Variants in PTPRD observed in about 807,000 individuals in gnomAD.
PTPRD encodes protein tyrosine phosphatase receptor type D, also known as receptor-type tyrosine-protein phosphatase delta.
A neutral mutation model predicts 214.5 loss-of-function variants in PTPRD; 34 were observed. The ratio of observed to expected loss-of-function variants is 0.16; its 90% CI spans 0.12 to 0.21. The LOEUF (loss-of-function observed/expected upper bound fraction) is 0.21, where lower values mean the gene tolerates loss of function less well. Ranked by LOEUF, PTPRD falls within the 10% of genes least tolerant of loss-of-function variation. The pLI is 1.00. For missense variants in PTPRD, 2,545 were observed against 2,398.7 expected (o/e 1.06, Z -1.27); for synonymous variants, 1,128 against 845.7 (o/e 1.33, Z -5.79).
At chr9:9,480,540 T>TA (rs543622110) in intron 8 of PTPRD, among the ~76,000 whole-genome samples, 179 of 152,032 alleles carry the variant, frequency 1.2e-3, no homozygotes, top group African/African-American at 1.9e-3. Flanking sequence ...AAGCAATATT[T>TA]AAAAAAAATG....
intron 11 of PTPRD, among the ~76,000 whole-genome samples, chr9:8,735,960 C>A (rs1294160112): frequency 6.7e-6 from 1 of 148,950 alleles, no homozygotes; most frequent in Non-Finnish European, 1.5e-5. Flanking sequence ...AAATAGGTCA[C>A]AGAGAGCCTT....
intron 9 of PTPRD, among the ~76,000 whole-genome samples, chr9:9,275,166 A>ATATAT (rs1944922409): frequency 2.7e-5 from 1 of 37,608 alleles, no homozygotes; most frequent in African/African-American, 1.4e-4. Flanking sequence ...TATATATAAC[A>ATATAT]TATATATAAT....
intron 9 of PTPRD, among the ~76,000 whole-genome samples, chr9:9,279,301 C>T (rs994348641): frequency 2.7e-5 from 4 of 147,638 alleles, no homozygotes; most frequent in Non-Finnish European, 4.5e-5. Context: ...TATATATAAT[C>T]ATATACACAT....
intron 39 of PTPRD, among the ~76,000 whole-genome samples, chr9:8,371,920 G>C (rs2081649955): frequency 1.3e-5 from 2 of 151,928 alleles, no homozygotes; most frequent in Admixed American, 1.3e-4. Context: ...GAGGTGCGAA[G>C]GGTGAGATCA....
chr9:8,496,191 C>A (rs1371949422), intron 26 of PTPRD, among the ~76,000 whole-genome samples: 1 of 146,186 alleles, frequency 6.8e-6, no homozygotes, highest in African/African-American at 2.5e-5. Flanking sequence ...CACACACACA[C>A]ACACACACAC....
At chr9:9,941,267 T>A (rs1176034323) in intron 4 of PTPRD, among the ~76,000 whole-genome samples, 1 of 152,152 alleles carries the variant, frequency 6.6e-6, no homozygotes, top group Non-Finnish European at 1.5e-5. Flanking sequence ...ATTTGTATGC[T>A]CAAAAGGTGG....
Position 10,389,073 on chromosome 9 carries a change from G to A in PTPRD, c.-599-48056C>T, listed in dbSNP as rs115482697. ...TATGTTTATGTCAGAGAAATGGAAC[G>A]TGGCCAAAGATTTTCAAATAATTGT... On this transcript the variant is annotated intron_variant, in intron 2 of 45. Coordinates refer to ENST00000381196, the MANE Select transcript of PTPRD (RefSeq NM_002839.4). 4.4e-3 allele frequency among the ~76,000 whole-genome samples: 674 copies of A among 151,908 alleles called. 6 individuals are homozygous for A. The highest frequency in any genetic ancestry group is 0.015 in the African/African-American group (640 of 41,492).
At chr9:8,881,762 A>G (rs2098448134) in intron 11 of PTPRD, among the ~76,000 whole-genome samples, 1 of 152,220 alleles carries the variant, frequency 6.6e-6, no homozygotes, top group Non-Finnish European at 1.5e-5. Flanking sequence ...AAAGAATGAC[A>G]GTCACAGAGA....
chr9:8,414,855 G>T (rs902873810), intron 35 of PTPRD, among the ~76,000 whole-genome samples: 2 of 146,616 alleles, frequency 1.4e-5, no homozygotes, highest in Non-Finnish European at 3.0e-5. Flanking sequence ...GGGAGGGAAG[G>T]CGTGCAGGGG....
intron 4 of PTPRD, among the ~76,000 whole-genome samples, chr9:9,941,168 C>T (rs947583563): frequency 1.3e-5 from 2 of 152,166 alleles, no homozygotes; most frequent in Non-Finnish European, 2.9e-5. Flanking sequence ...CCGCATGCTG[C>T]CTGTGGGCTA....
intron 11 of PTPRD, among the ~76,000 whole-genome samples, chr9:8,999,488 C>T (rs144689084): frequency 2.4e-4 from 36 of 152,172 alleles, no homozygotes; most frequent in African/African-American, 4.6e-4. Flanking sequence ...TAAGACAATG[C>T]TATCAAACAC....
intron 3 of PTPRD, among the ~76,000 whole-genome samples, chr9:10,145,048 A>G (rs2099013026): frequency 6.6e-6 from 1 of 152,106 alleles, no homozygotes; most frequent in African/African-American, 2.4e-5. Flanking sequence ...GATTTTTCAA[A>G]AAATTAATTT....
intron 5 of PTPRD, chr9:9,799,406 C>G (rs2099024149): frequency 6.6e-6 from 1 of 152,124 alleles, no homozygotes; most frequent in Non-Finnish European, 1.5e-5. Flanking sequence ...CTAAAGTTAT[C>G]CACAATGTTT....
At chr9:8,388,174 C>T (rs1425623678) in intron 37 of PTPRD, among the ~76,000 whole-genome samples, 1 of 152,058 alleles carries the variant, frequency 6.6e-6, no homozygotes, top group Non-Finnish European at 1.5e-5. Flanking sequence ...TGAGCTTTTC[C>T]CTTATAAATC....
intron 7 of PTPRD, among the ~76,000 whole-genome samples, chr9:9,713,336 G>A (rs978712969): frequency 1.1e-4 from 17 of 152,102 alleles, no homozygotes; most frequent in Non-Finnish European, 2.5e-4. Context: ...TAATGAGTTA[G>A]GAATGATTAA....
At chr9:9,079,233 T>A (rs2099755554) in intron 10 of PTPRD, among the ~76,000 whole-genome samples, 1 of 152,010 alleles carries the variant, frequency 6.6e-6, no homozygotes, top group Non-Finnish European at 1.5e-5. Context: ...GCCTCTAATA[T>A]CCTCTGTTCT....
At chr9:9,682,483 A>G (rs1047231468) in intron 7 of PTPRD, among the ~76,000 whole-genome samples, 1 of 151,744 alleles carries the variant, frequency 6.6e-6, no homozygotes, top group African/African-American at 2.4e-5. Context: ...TGTTGTTGCC[A>G]TTGTTTTATT....
intron 5 of PTPRD, among the ~76,000 whole-genome samples, chr9:9,818,435 T>C (rs968499718): frequency 6.6e-6 from 1 of 152,144 alleles, no homozygotes; most frequent in Non-Finnish European, 1.5e-5. Flanking sequence ...ATGTTTCCTC[T>C]TAATTACAGA....
In PTPRD at chr9:9,706,023, C is replaced by G. The variant is rs571656171; in HGVS notation, c.-287+28510G>C. ...ATCTTTAAAATGGACATGATAATATCTTCTTGCAAATTAATCATGAGGATG... is the reference window on the plus strand; with the variant it reads ...ATCTTTAAAATGGACATGATAATATGTTCTTGCAAATTAATCATGAGGATG... On this transcript the variant is annotated intron_variant, in intron 7 of 45. Coordinates refer to ENST00000381196, the MANE Select transcript of PTPRD (RefSeq NM_002839.4). Among the ~76,000 whole-genome samples the G allele has an allele frequency of 5.3e-5, 8 of 152,176 alleles. No individual in the cohort carries two copies. In the South Asian group the frequency reaches 1.7e-3, roughly 32 times the overall value.
Sources: gnomAD v4.1 joint callset for allele counts (sites outside exome capture counted in the v4.1 genomes callset) on GRCh38, gnomAD v4.1.1 for gene constraint, MANE v1.5 for transcripts, NCBI Gene and HGNC (gene_info 2026-07-23, HGNC 2026-07-21) for gene names.